The following ZNF251 variants were observed in gnomAD, a reference collection of about 807,000 sequenced individuals.
The protein encoded by ZNF251 is zinc finger protein 251.
A neutral mutation model predicts 13.5 loss-of-function variants in ZNF251; 14 were observed. That is an observed-to-expected ratio of 1.04 (90% CI 0.69 to 1.63). ZNF251 has a LOEUF of 1.63. Among genes scored for constraint, ZNF251 ranks in the 40% most tolerant of loss-of-function variants. ZNF251 has a pLI of 0.00. For missense variants in ZNF251, 764 were observed against 834.9 expected, an observed-to-expected ratio of 0.92 and a Z score of 1.05; for synonymous variants, 287 against 295.2, an observed-to-expected ratio of 0.97 and a Z score of 0.28.
At chr8:144,732,600 C>T (rs1450638636) in intron 4 of ZNF251, among the ~76,000 whole-genome samples, 4 of 150,830 alleles carry the variant, frequency 2.7e-5, no homozygotes, top group South Asian at 2.1e-4. Flanking sequence ...ATCACGAGGT[C>T]AGGAGATGGA....
rs1823365982 is a variant in ZNF251, at chr8:144,721,307, A to G, written c.*337T>C. 1.4e-5 allele frequency: 5 copies of G among 354,404 alleles called. No homozygotes were observed. The South Asian group carries it at 7.6e-4, about 54-fold the overall frequency. 22.0% of individuals were successfully genotyped at this position (354,404 alleles called of 1,614,324 possible). On this transcript the variant is annotated 3_prime_UTR_variant, in exon 5 of 5. Transcript: ENST00000292562. Reference sequence around the variant, plus strand: ...GCCACAAGCCTGGGCCTGGATAGGAAACAAAGGATAAGACTGGAAGGATGT... The same window carrying G: ...GCCACAAGCCTGGGCCTGGATAGGAGACAAAGGATAAGACTGGAAGGATGT...
chr8:144,747,774 G>A (rs144142965), intron 4 of ZNF251, among the ~76,000 whole-genome samples: 474 of 152,200 alleles, frequency 3.1e-3, no homozygotes, highest in African/African-American at 0.011. Context: ...CACCACGCCC[G>A]GCTAATTTTG....
intron 4 of ZNF251, among the ~76,000 whole-genome samples, chr8:144,732,565 C>G (rs1278326632): frequency 6.6e-6 from 1 of 152,154 alleles, no homozygotes; most frequent in Non-Finnish European, 1.5e-5. Flanking sequence ...GTAATCCCAG[C>G]ACTTGGGGAG....
At chr8:144,750,512 A>G (rs917764986) in intron 4 of ZNF251, among the ~76,000 whole-genome samples, 1 of 152,148 alleles carries the variant, frequency 6.6e-6, no homozygotes, top group African/African-American at 2.4e-5. Context: ...CCCTGGTAAA[A>G]TTGTTTCTCC....
chr8:144,746,812 G>A (rs1824451854), intron 4 of ZNF251, among the ~76,000 whole-genome samples: 1 of 151,758 alleles, frequency 6.6e-6, no homozygotes, highest in African/African-American at 2.4e-5. Flanking sequence ...CATCTCTGTA[G>A]TGATGTTCCC....
At chr8:144,728,221 G>A (rs940028327) in intron 4 of ZNF251, among the ~76,000 whole-genome samples, 2 of 152,116 alleles carry the variant, frequency 1.3e-5, no homozygotes, top group East Asian at 3.8e-4. Flanking sequence ...AGAGAGGGAG[G>A]TAGGGAATGG....
At position 144,721,658 on chromosome 8, in the gene ZNF251, C is replaced by A; in HGVS notation, c.2002G>T (p.Glu668Ter). 7.5e-7 allele frequency: 1 copy of A among 1,341,666 alleles called. No individual in the cohort carries two copies. The highest frequency in any genetic ancestry group is 9.6e-7 in the Non-Finnish European group (1 of 1,036,710). The allele number at this position is 1,341,666 out of a possible 1,614,324, so 83.1% of individuals were successfully genotyped here. A position where few individuals can be genotyped will look rare whatever the true frequency, so the allele number is the denominator to read the frequency against. ...YFIHIKKIFQ[E>*]RHF is the part of the protein sequence containing the mutation. ...CATTTATCACATTAAAAATGTCTTT[C>A]TTGGAAAATCTTCTTGATATGAATA... The change falls in exon 5 of 5, where the codon GAA becomes TAA. Residue 668 changes from glutamate to a stop codon, truncating the protein, a stop_gained. Transcript: ENST00000292562. LOFTEE classifies it high-confidence loss of function.
chr8:144,735,870 A>G (rs1823871851), intron 4 of ZNF251, among the ~76,000 whole-genome samples: 1 of 152,154 alleles, frequency 6.6e-6, no homozygotes, highest in Non-Finnish European at 1.5e-5. Context: ...GCTCTGGACA[A>G]GACTTGTGCA....
chr8:144,737,596 G>A (rs1823954852), intron 4 of ZNF251, among the ~76,000 whole-genome samples: 3 of 152,010 alleles, frequency 2.0e-5, no homozygotes. Context: ...TGGTTGGGAG[G>A]CCAAGGCGGG....
At chr8:144,746,665 G>T (rs926636560) in intron 4 of ZNF251, among the ~76,000 whole-genome samples, 12 of 152,198 alleles carry the variant, frequency 7.9e-5, no homozygotes, top group Admixed American at 7.9e-4. Context: ...TTATTTAACA[G>T]ACATAGCCCT....
intron 4 of ZNF251, among the ~76,000 whole-genome samples, chr8:144,747,704 C>T (rs1824495050): frequency 6.6e-6 from 1 of 152,052 alleles, no homozygotes; most frequent in Non-Finnish European, 1.5e-5. Context: ...CCTCTGCCTC[C>T]TGGGTTCAAG....
At chr8:144,727,803 C>CT (rs1823560854) in intron 4 of ZNF251, among the ~76,000 whole-genome samples, 1 of 152,106 alleles carries the variant, frequency 6.6e-6, no homozygotes, top group African/African-American at 2.4e-5. Context: ...CCTTCAAGAA[C>CT]TTTACTTTTT....
intron 4 of ZNF251, among the ~76,000 whole-genome samples, chr8:144,727,517 T>G (rs1823552783): frequency 1.3e-5 from 2 of 152,250 alleles, no homozygotes; most frequent in Non-Finnish European, 2.9e-5. Flanking sequence ...ACCTTGTGCT[T>G]TTGTTATGGA....
chr8:144,730,101 CCA>C (rs1208001791), intron 4 of ZNF251: 8 of 985,342 alleles, frequency 8.1e-6, no homozygotes, highest in Non-Finnish European at 8.4e-6. Context: ...TCGTACATCA[CCA>C]GAGTCGGCTG....
intron 4 of ZNF251, among the ~76,000 whole-genome samples, chr8:144,737,590 T>TG (rs1465493243): frequency 2.0e-5 from 3 of 151,800 alleles, no homozygotes; most frequent in African/African-American, 7.3e-5. Context: ...GCACTTTGGT[T>TG]GGGAGGCCAA....
chr8:144,730,153 T>C, intron 4 of ZNF251: 1 of 979,532 alleles, frequency 1.0e-6, no homozygotes, highest in Non-Finnish European at 1.2e-6. Context: ...AACAGGGAAG[T>C]GGAGAGCCAT....
chr8:144,722,060 C>T lies in ZNF251; in HGVS notation c.1600G>A (p.Asp534Asn), dbSNP rs1201859808. The T allele has an allele frequency of 1.2e-6, 2 of 1,613,222 alleles. No individual in the cohort carries two copies. The highest frequency in any genetic ancestry group is 4.5e-5 in the East Asian group (2 of 44,840). The part of the protein sequence containing the change: ...AFVHGSSLTA[D>N]GQIPTGEKHG... ...TTCTCTCCAGTGGGAATCTGTCCAT[C>T]TGCTGTGAGGCTGGAGCCATGAACA... Residue 534 changes from aspartate (D) to asparagine (N), a missense_variant, in exon 5 of 5, where the codon GAT becomes AAT. Coordinates refer to ENST00000292562, the MANE Select transcript of ZNF251 (RefSeq NM_138367.2). This position sits in a 1 kb window ranked among gnomAD's most constrained non-coding sequence, Gnocchi z 4.8.
chr8:144,753,618 G>A (rs765703478), intron 4 of ZNF251, 65 bp downstream of exon 4: 3 of 1,352,718 alleles, frequency 2.2e-6, no homozygotes, highest in Non-Finnish European at 3.1e-6. Context: ...GCTGTCCCTC[G>A]CTTGGAGCCT....
At chr8:144,725,417 AGT>A (rs1413671760) in intron 4 of ZNF251, among the ~76,000 whole-genome samples, 1 of 151,976 alleles carries the variant, frequency 6.6e-6, no homozygotes, top group African/African-American at 2.4e-5. Flanking sequence ...CAGGCTCCCG[AGT>A]AGCTGGGACT....
Sources: allele counts gnomAD v4.1 joint callset (sites outside exome capture counted in the v4.1 genomes callset), GRCh38; gene constraint gnomAD v4.1.1; non-coding constraint Gnocchi (gnomAD v3.1); transcripts MANE v1.5; gene names NCBI Gene and HGNC (gene_info 2026-07-23, HGNC 2026-07-21).